Variants in GNA14 observed in about 807,000 individuals in gnomAD.
The protein encoded by GNA14 is G protein subunit alpha 14, also known as guanine nucleotide-binding protein subunit alpha-14.
A neutral mutation model predicts 42.0 loss-of-function variants in GNA14; 50 were observed. The ratio of observed to expected loss-of-function variants is 1.19; its 90% confidence interval spans 0.95 to 1.51. The LOEUF is 1.51. Among genes scored for constraint, GNA14 ranks in the 40% most tolerant of loss-of-function variants. The pLI is 0.00. For synonymous variants in GNA14, 173 were observed against 163.1 expected (o/e 1.06, Z -0.46); for missense variants, 473 against 446.2 (o/e 1.06, Z -0.54).
chr9:77,635,681 G>C (rs1321998748), intron 1 of GNA14, among the ~76,000 whole-genome samples: 1 of 152,130 alleles, frequency 6.6e-6, no homozygotes, highest in African/African-American at 2.4e-5. Flanking sequence ...TACTATGGTG[G>C]CATTTGCTTT....
intron 1 of GNA14, among the ~76,000 whole-genome samples, chr9:77,647,408 G>T (rs1463162736): frequency 6.6e-6 from 1 of 152,148 alleles, no homozygotes; most frequent in Admixed American, 6.5e-5. Context: ...AAGGTACAGC[G>T]GTCAAGAGGT....
At chr9:77,425,342 G>C (rs571999608) in intron 6 of GNA14, among the ~76,000 whole-genome samples, 48 of 152,236 alleles carry the variant, frequency 3.2e-4, no homozygotes, top group Admixed American at 6.5e-4. Context: ...GAAAGGAGTT[G>C]GTAAGGGTAT....
At chr9:77,514,022 C>T (rs1787627701) in intron 2 of GNA14, among the ~76,000 whole-genome samples, 1 of 151,842 alleles carries the variant, frequency 6.6e-6, no homozygotes, top group Non-Finnish European at 1.5e-5. Context: ...AAGTCATTGT[C>T]ACAGACTTAA....
chr9:77,478,541 C>T (rs1836478711), intron 2 of GNA14, among the ~76,000 whole-genome samples: 1 of 151,922 alleles, frequency 6.6e-6, no homozygotes, highest in Admixed American at 6.6e-5. Context: ...GGGTATATAC[C>T]CAGTAATGGG....
chr9:77,634,432 A>AAAGG (rs1209508282), intron 1 of GNA14, among the ~76,000 whole-genome samples: 1 of 150,882 alleles, frequency 6.6e-6, no homozygotes, highest in Admixed American at 6.6e-5. Context: ...AAAAAAAAAA[A>AAAGG]AAGGAAGGAA....
intron 2 of GNA14, among the ~76,000 whole-genome samples, chr9:77,475,395 G>A (rs1836400912): frequency 6.6e-6 from 1 of 152,136 alleles, no homozygotes; most frequent in Non-Finnish European, 1.5e-5. Context: ...GGATGACAGG[G>A]CTTGTGACAT....
At chr9:77,483,741 T>C (rs890526211) in intron 2 of GNA14, among the ~76,000 whole-genome samples, 17 of 152,120 alleles carry the variant, frequency 1.1e-4, no homozygotes, top group African/African-American at 4.1e-4. Flanking sequence ...CTAAAGCACA[T>C]AAATCTTTGG....
At chr9:77,508,698 C>A (rs373460711) in intron 2 of GNA14, among the ~76,000 whole-genome samples, 1 of 152,128 alleles carries the variant, frequency 6.6e-6, no homozygotes, top group South Asian at 2.1e-4. Context: ...GACTACAGTT[C>A]CCCTGTAGAA....
intron 2 of GNA14, among the ~76,000 whole-genome samples, chr9:77,486,733 T>C (rs1003225815): frequency 1.3e-5 from 2 of 152,158 alleles, no homozygotes; most frequent in East Asian, 1.9e-4. Flanking sequence ...GAGAGGGAGA[T>C]AGATGAGGAT....
At chr9:77,558,929 CAA>C (rs796275094) in intron 1 of GNA14, among the ~76,000 whole-genome samples, 3,044 of 144,908 alleles carry the variant, frequency 0.021, 115 homozygotes, top group African/African-American at 0.071. Flanking sequence ...AAACAAAAAA[CAA>C]AAAAAAAAAC....
intron 2 of GNA14, among the ~76,000 whole-genome samples, chr9:77,475,332 G>T (rs1489388005): frequency 6.6e-6 from 1 of 152,136 alleles, no homozygotes; most frequent in Non-Finnish European, 1.5e-5. Context: ...AGAAATAGTT[G>T]CTATGGTTAA....
intron 1 of GNA14, among the ~76,000 whole-genome samples, chr9:77,597,506 C>A (rs897712936): frequency 2.6e-5 from 4 of 151,928 alleles, no homozygotes; most frequent in Non-Finnish European, 5.9e-5. Flanking sequence ...AGCTTCTGCC[C>A]CAATTCAAAT....
chr9:77,487,686 C>T (rs980591393), intron 2 of GNA14, among the ~76,000 whole-genome samples: 55 of 152,180 alleles, frequency 3.6e-4, no homozygotes, highest in African/African-American at 1.3e-3. Flanking sequence ...ACCACATTCA[C>T]AGCTGAAAAC....
chr9:77,605,268 T>A (rs1246505868), intron 1 of GNA14, among the ~76,000 whole-genome samples: 1 of 152,232 alleles, frequency 6.6e-6, no homozygotes, highest in Non-Finnish European at 1.5e-5. Flanking sequence ...AGATGACCAA[T>A]CCTTGGGTGG....
intron 2 of GNA14, among the ~76,000 whole-genome samples, chr9:77,445,691 A>G (rs1490523610): frequency 2.6e-5 from 4 of 152,004 alleles, no homozygotes; most frequent in Non-Finnish European, 5.9e-5. Flanking sequence ...GGAGTGAGCT[A>G]TGATCACACC....
At chr9:77,532,104 A>G (rs1373246050) in intron 1 of GNA14, among the ~76,000 whole-genome samples, 1 of 152,158 alleles carries the variant, frequency 6.6e-6, no homozygotes, top group Non-Finnish European at 1.5e-5. Context: ...AAGCCTCAGC[A>G]TCACCCAGCT....
intron 2 of GNA14, among the ~76,000 whole-genome samples, chr9:77,452,224 C>T (rs897149908): frequency 1.3e-5 from 2 of 151,992 alleles, no homozygotes; most frequent in African/African-American, 4.8e-5. Flanking sequence ...GTCACCCCTA[C>T]TCATGTGACG....
chr9:77,463,490 C>T (rs1266054872), intron 2 of GNA14, among the ~76,000 whole-genome samples: 1 of 152,180 alleles, frequency 6.6e-6, no homozygotes, highest in Non-Finnish European at 1.5e-5. Context: ...CGGGGTAGGA[C>T]CAAGGCCAAG....
chr9:77,444,606 A>G (rs921144945), intron 2 of GNA14, among the ~76,000 whole-genome samples: 3 of 152,150 alleles, frequency 2.0e-5, no homozygotes, highest in Admixed American at 2.0e-4. Flanking sequence ...GCTGACCTGT[A>G]GCAGCCTCAG....
Sources: gnomAD v4.1 joint callset for allele counts (sites outside exome capture counted in the v4.1 genomes callset) on GRCh38, gnomAD v4.1.1 for gene constraint, MANE v1.5 for transcripts, NCBI Gene and HGNC (gene_info 2026-07-23, HGNC 2026-07-21) for gene names.